The following CSNK1E variants were observed in gnomAD, a reference collection of about 807,000 sequenced individuals.
CSNK1E encodes casein kinase 1 epsilon, also known as casein kinase I isoform epsilon.
Under a neutral mutation model 46.1 loss-of-function variants are expected in CSNK1E, and 17 were observed. The observed-to-expected ratio is 0.37, with a 90% CI of 0.25 to 0.55. CSNK1E has a LOEUF of 0.55. Among genes scored for constraint, CSNK1E ranks in the 20% least tolerant of loss-of-function variants. CSNK1E has a pLI of 0.82. For synonymous variants in CSNK1E, 241 were observed against 242.6 expected, an observed-to-expected ratio of 0.99 and a Z score of 0.06; for missense variants, 386 against 595.4, an observed-to-expected ratio of 0.65 and a Z score of 3.66.
upstream of CSNK1E, chr22:38,317,866 G>A: frequency 6.6e-6 from 1 of 152,284 alleles, no homozygotes; most frequent in East Asian, 1.9e-4. Flanking sequence ...TGGAGGCTCA[G>A]TCCGCCTCCA....
rs1229242454 is a variant in CSNK1E, at chr22:38,300,176, G to GA, written c.566-112_566-111insT. 1 of 1,006,480 alleles carries GA rather than the reference G, an allele frequency of 9.9e-7. No individual in the cohort carries two copies. The highest frequency in any genetic ancestry group is 1.4e-6 in the Non-Finnish European group (1 of 694,252). 62.3% of individuals were successfully genotyped at this position (1,006,480 alleles called of 1,614,324 possible). A position where few individuals can be genotyped will look rare whatever the true frequency, so the allele number is the denominator to read the frequency against. On this transcript the variant is annotated intron_variant, in intron 5 of 10. Coordinates refer to ENST00000396832, the MANE Select transcript of CSNK1E (RefSeq NM_152221.3). This position sits in a 1 kb window ranked among gnomAD's most constrained non-coding sequence, Gnocchi z 4.4. ...ACCAGGACCCTCCTGCCCCCACGTC[G>GA]GATGTTGCTCACTGCACGCATTTTA...
intron 4 of CSNK1E, 64 bp from the exon 5 acceptor site, chr22:38,301,016 G>A (rs1414423781): frequency 6.5e-6 from 9 of 1,375,754 alleles, no homozygotes; most frequent in Non-Finnish European, 9.3e-6. Context: ...GGGCCAGGCA[G>A]GGGCTGGGGC....
rs780565636 is a variant in CSNK1E at position 38,294,430 on chromosome 22, A to G, written c.990T>C (p.Pro330=). The change falls in exon 8 of 11, where the codon CCT becomes CCC. Residue 330 remains proline (P), a synonymous_variant. Coordinates refer to ENST00000396832, the MANE Select transcript of CSNK1E (RefSeq NM_152221.3). This position sits in a 1 kb window ranked among gnomAD's most constrained non-coding sequence, Gnocchi z 5.5. The part of the protein sequence containing the change: ...LRGSATRALP[P]GPPTGATANR... The stretch of plus-strand genomic sequence containing the variant: ...TGGCAGTGGCCCCCGTGGGTGGGCC[A>G]GGGGGCAGGGCTCGGGTCGCGGACC... The G allele has an allele frequency of 3.2e-6, 5 of 1,565,090 alleles. No homozygotes were observed. Among genetic ancestry groups the G allele is most frequent in the Middle Eastern group, 1.8e-4 (1 of 5,708 alleles).
At position 38,297,773 on chromosome 22, in the gene CSNK1E, C is replaced by T; in HGVS notation, c.885+1013G>A. On this transcript the variant is annotated intron_variant, in intron 7 of 10. Coordinates refer to ENST00000396832, the MANE Select transcript of CSNK1E (RefSeq NM_152221.3). ...AAGGACCCCATGGCAGGGCCTTTTCCACCATGGCCTCCACTGTGCTGCCAT... is the reference window on the plus strand; with the variant it reads ...AAGGACCCCATGGCAGGGCCTTTTCTACCATGGCCTCCACTGTGCTGCCAT... 3 of 998,440 alleles carry T rather than the reference C, an allele frequency of 3.0e-6. No homozygotes were observed. In the South Asian group the frequency reaches 1.3e-4, roughly 43 times the overall value. The allele number at this position is 998,440 out of a possible 1,614,324, so 61.8% of individuals were successfully genotyped here. A position where few individuals can be genotyped will look rare whatever the true frequency, so the allele number is the denominator to read the frequency against.
intron 2 of CSNK1E, among the ~76,000 whole-genome samples, chr22:38,304,558 C>G (rs1044178800): frequency 9.2e-5 from 14 of 152,146 alleles, no homozygotes; most frequent in African/African-American, 3.1e-4. Flanking sequence ...CAGGAGCAAA[C>G]AGCCCAAGTG....
intron 2 of CSNK1E, among the ~76,000 whole-genome samples, chr22:38,313,710 A>G (rs1318312141): frequency 6.6e-6 from 1 of 152,162 alleles, no homozygotes; most frequent in Non-Finnish European, 1.5e-5. Flanking sequence ...GTCCAGCAGC[A>G]ACCCAAGTCC....
chr22:38,302,012 T>C (rs553853891), intron 4 of CSNK1E, among the ~76,000 whole-genome samples: 1 of 152,314 alleles, frequency 6.6e-6, no homozygotes, highest in Admixed American at 6.5e-5. Flanking sequence ...AAGGGCTTAG[T>C]ACTTAACAAC....
intron 2 of CSNK1E, among the ~76,000 whole-genome samples, chr22:38,308,534 C>G (rs889602029): frequency 6.6e-6 from 1 of 152,122 alleles, no homozygotes; most frequent in African/African-American, 2.4e-5. Flanking sequence ...CCCCTCTGAG[C>G]CCCAGGTACC....
rs1215899823 is a variant in CSNK1E, at chr22:38,293,288, C to T, written c.1250G>A (p.Ter417=). ...TSVPFDHLGK[*] ...ACACTGGTCCAATGGGGGCTCTCCT[C>T]ACTTCCCGAGATGGTCAAATGGCAC... The change falls in exon 10 of 11, where the codon TGA becomes TAA. Residue 417 remains the stop codon, a stop_retained_variant. Transcript: ENST00000396832. 1 of 1,612,936 alleles carries T rather than the reference C, an allele frequency of 6.2e-7. No homozygotes were observed. The highest frequency in any genetic ancestry group is 1.7e-5 in the Admixed American group (1 of 59,956).
At chr22:38,308,122 T>C (rs2092706170) in intron 2 of CSNK1E, among the ~76,000 whole-genome samples, 1 of 152,238 alleles carries the variant, frequency 6.6e-6, no homozygotes, top group Non-Finnish European at 1.5e-5. Context: ...TTTCTGGACA[T>C]TTCACAGAAA....
intron 4 of CSNK1E, among the ~76,000 whole-genome samples, chr22:38,301,655 A>C (rs2092673337): frequency 6.6e-6 from 1 of 152,076 alleles, no homozygotes; most frequent in Non-Finnish European, 1.5e-5. Flanking sequence ...ACTGGTCTCA[A>C]ACTCCCGATC....
At chr22:38,318,041 C>T (rs906319916), upstream of CSNK1E, 5 of 152,200 alleles carry the variant, frequency 3.3e-5, no homozygotes, top group African/African-American at 1.2e-4. Flanking sequence ...TTCCCTGAAG[C>T]TCAAACTGTG....
chr22:38,300,175 C>CGGA lies in CSNK1E; in HGVS notation c.566-113_566-111dup. 9.9e-7 allele frequency: 1 copy of CGGA among 1,009,332 alleles called. No homozygotes were observed. Among genetic ancestry groups the CGGA allele is most frequent in the Admixed American group, 2.6e-5 (1 of 38,662 alleles). The allele number at this position is 1,009,332 out of a possible 1,614,324, so 62.5% of individuals were successfully genotyped here. A position where few individuals can be genotyped will look rare whatever the true frequency, so the allele number is the denominator to read the frequency against. On this transcript the variant is annotated intron_variant, in intron 5 of 10. Coordinates refer to ENST00000396832, the MANE Select transcript of CSNK1E (RefSeq NM_152221.3). This position sits in a 1 kb window ranked among gnomAD's most constrained non-coding sequence, Gnocchi z 4.4. ...CACCAGGACCCTCCTGCCCCCACGT[C>CGGA]GGATGTTGCTCACTGCACGCATTTT...
intron 7 of CSNK1E, chr22:38,296,333 A>G: frequency 1.5e-6 from 2 of 1,338,296 alleles, no homozygotes; most frequent in Non-Finnish European, 1.9e-6. Context: ...AGCTGACTGG[A>G]CCTCGGAACA....
chr22:38,296,453 G>A, intron 7 of CSNK1E: 1 of 1,498,258 alleles, frequency 6.7e-7, no homozygotes, highest in Non-Finnish European at 8.9e-7. Flanking sequence ...GGGTAGCATG[G>A]GAAGGGCCTG....
chr22:38,309,022 T>C lies in CSNK1E; in HGVS notation c.76+5060A>G, dbSNP rs1251174653. On this transcript the variant is annotated intron_variant, in intron 2 of 10. Coordinates refer to ENST00000396832, the MANE Select transcript of CSNK1E (RefSeq NM_152221.3). This position sits in a 1 kb window ranked among gnomAD's most constrained non-coding sequence, Gnocchi z 4.8. ...ACCGTGGCACTACTGACACTGGAGC[T>C]GGAGAATTCCTGGTTGTGGGGCTGC... Among the ~76,000 whole-genome samples, 1 of 152,202 alleles carries C rather than the reference T, an allele frequency of 6.6e-6. No homozygotes were observed. Among genetic ancestry groups the C allele is most frequent in the Non-Finnish European group, 1.5e-5 (1 of 68,046 alleles).
intron 1 of CSNK1E, among the ~76,000 whole-genome samples, chr22:38,315,783 G>A (rs374658226): frequency 6.6e-6 from 1 of 151,872 alleles, no homozygotes; most frequent in African/African-American, 2.4e-5. Flanking sequence ...AAATACCCAC[G>A]CCGGGTTATA....
Position 38,302,984 on chromosome 22 carries a change from G to A in CSNK1E, c.213C>T (p.Cys71=), listed in dbSNP as rs571239023. 4.7e-5 allele frequency: 76 copies of A among 1,613,978 alleles called. No individual in the cohort carries two copies. The highest frequency in any genetic ancestry group is 3.3e-4 in the Middle Eastern group (2 of 6,062). The change falls in exon 4 of 11, where the codon TGC becomes TGT. Residue 71 remains cysteine, a synonymous_variant. Coordinates refer to ENST00000396832, the MANE Select transcript of CSNK1E (RefSeq NM_152221.3). ...GGVGIPSIKW[C]GAEGDYNVMV... is the part of the protein sequence containing the mutation. ...TCACGTTGTAGTCGCCCTCAGCTCCGCACCACTTGATGGACGGGATCCCCA... is the reference window on the plus strand; with the variant it reads ...TCACGTTGTAGTCGCCCTCAGCTCCACACCACTTGATGGACGGGATCCCCA...
intron 2 of CSNK1E, among the ~76,000 whole-genome samples, chr22:38,305,065 T>C (rs985101870): frequency 7.6e-6 from 1 of 131,592 alleles, no homozygotes; most frequent in Non-Finnish European, 1.5e-5. Context: ...GAGGTTGCAG[T>C]GAGCCGAGAT....
Sources: gnomAD v4.1 joint callset for allele counts (sites outside exome capture counted in the v4.1 genomes callset) on GRCh38, gnomAD v4.1.1 for gene constraint, Gnocchi (gnomAD v3.1) non-coding constraint, MANE v1.5 for transcripts, NCBI Gene and HGNC (gene_info 2026-07-23, HGNC 2026-07-21) for gene names.